EIF4G3: variants seen among roughly 807,000 people sequenced by gnomAD.
EIF4G3 encodes eIF-4-gamma 3.
A neutral mutation model predicts 186.4 loss-of-function variants in EIF4G3; 34 were observed. The ratio of observed to expected loss-of-function variants is 0.18; its 90% confidence interval spans 0.14 to 0.24. The LOEUF is 0.24. Ranked by LOEUF, EIF4G3 falls within the 10% of genes least tolerant of loss-of-function variation. The probability of loss-of-function intolerance (pLI) is 1.00; values close to 1 mark genes in which losing one functional copy is unlikely to be tolerated. For synonymous variants in EIF4G3, 673 were observed against 679.5 expected (o/e 0.99, Z 0.15); for missense variants, 1,536 against 1,948.5 (o/e 0.79, Z 3.99).
intron 14 of EIF4G3, among the ~76,000 whole-genome samples, chr1:20,930,974 G>A (rs2095282325): frequency 6.6e-6 from 1 of 151,670 alleles, no homozygotes; most frequent in Non-Finnish European, 1.5e-5. Flanking sequence ...TTGAGTAGCT[G>A]GGACTACAGG....
intron 7 of EIF4G3, among the ~76,000 whole-genome samples, chr1:20,985,531 T>A (rs10916917): frequency 0.043 from 6,302 of 145,420 alleles, 404 homozygotes; most frequent in African/African-American, 0.15. Context: ...AAAAAAAAAA[T>A]ATATATCCTT....
chr1:21,074,180 A>C (rs1434317742), intron 3 of EIF4G3, among the ~76,000 whole-genome samples: 1 of 152,136 alleles, frequency 6.6e-6, no homozygotes, highest in African/African-American at 2.4e-5. Context: ...GGCCAGGATA[A>C]TTCTTTATCA....
At position 20,942,080 on chromosome 1, in the gene EIF4G3, T is replaced by C; in HGVS notation, c.1074A>G (p.Glu358=). 6.2e-7 allele frequency: 1 copy of C among 1,613,948 alleles called. No individual in the cohort carries two copies. The highest frequency in any genetic ancestry group is 8.5e-7 in the Non-Finnish European group (1 of 1,179,966). The change falls in exon 14 of 37, where the codon GAA becomes GAG. Residue 358 remains glutamate, a synonymous_variant. Coordinates refer to ENST00000602326, the MANE Select transcript of EIF4G3 (RefSeq NM_001391906.1). ...TTGTGTCTTCTCTTGGGGATGAGAG[T>C]TCACATCTGTCATCTATAGCAGTGG... The part of the protein sequence containing the change: ...IFTTAIDDRC[E]LSSPREDTIP...
chr1:20,961,046 A>G (rs2096557650), intron 12 of EIF4G3, among the ~76,000 whole-genome samples: 2 of 152,206 alleles, frequency 1.3e-5, no homozygotes, highest in South Asian at 2.1e-4. Context: ...CTGTCAGATA[A>G]GCAATGAGTA....
chr1:20,828,974 A>T (rs934969256), intron 31 of EIF4G3, among the ~76,000 whole-genome samples, 173 bp downstream of exon 31: 2 of 152,218 alleles, frequency 1.3e-5, no homozygotes, highest in African/African-American at 4.8e-5. Context: ...TCTCAGGTGT[A>T]GACCTAGCAT....
chr1:20,808,907 T>C (rs2058676445), intron 36 of EIF4G3, among the ~76,000 whole-genome samples: 1 of 152,206 alleles, frequency 6.6e-6, no homozygotes, highest in African/African-American at 2.4e-5. Context: ...CGATCATTTA[T>C]ATTAATGGAG....
At chr1:20,853,204 G>T (rs1410410241) in intron 27 of EIF4G3, among the ~76,000 whole-genome samples, 1 of 152,142 alleles carries the variant, frequency 6.6e-6, no homozygotes, top group Non-Finnish European at 1.5e-5. Context: ...AACATGAAGA[G>T]TGTGACAGAG....
At chr1:21,120,443 T>C (rs2096906084) in intron 2 of EIF4G3, among the ~76,000 whole-genome samples, 1 of 151,820 alleles carries the variant, frequency 6.6e-6, no homozygotes. Context: ...GCCTGGCTAA[T>C]GTGGTGAAAC....
chr1:21,109,896 C>T (rs770385321), intron 2 of EIF4G3, among the ~76,000 whole-genome samples: 5 of 151,892 alleles, frequency 3.3e-5, no homozygotes, highest in Admixed American at 6.6e-5. Flanking sequence ...GCGATTCTCC[C>T]GCCTCAGCCA....
chr1:20,952,347 G>A (rs922009246), intron 12 of EIF4G3, among the ~76,000 whole-genome samples: 1 of 151,744 alleles, frequency 6.6e-6, no homozygotes, highest in Non-Finnish European at 1.5e-5. Flanking sequence ...GTAGAGACAG[G>A]GTTTCACCAT....
intron 29 of EIF4G3, among the ~76,000 whole-genome samples, chr1:20,844,694 T>G (rs960924604): frequency 9.9e-5 from 15 of 151,962 alleles, no homozygotes; most frequent in African/African-American, 3.4e-4. Context: ...TAGCTGGGTG[T>G]AGTGGCGGGC....
chr1:20,838,662 T>C (rs1245045696), intron 30 of EIF4G3, among the ~76,000 whole-genome samples: 3 of 152,148 alleles, frequency 2.0e-5, no homozygotes, highest in African/African-American at 7.2e-5. Flanking sequence ...TTCAGAGCAA[T>C]CTAGCTTATT....
chr1:21,137,129 TTTTG>T (rs922615054), intron 2 of EIF4G3, among the ~76,000 whole-genome samples: 17 of 146,264 alleles, frequency 1.2e-4, no homozygotes, highest in South Asian at 6.6e-4. Context: ...ATTACTTTGC[TTTTG>T]TTTGTTTGTT....
intron 19 of EIF4G3, among the ~76,000 whole-genome samples, chr1:20,882,279 G>A (rs2082629277): frequency 6.6e-6 from 1 of 152,040 alleles, no homozygotes; most frequent in South Asian, 2.1e-4. Flanking sequence ...GGGAGGCCAA[G>A]GCAGGAGGAC....
intron 25 of EIF4G3, 134 bp from the exon 26 acceptor site, chr1:20,855,205 A>T (rs1013873770): frequency 1.6e-6 from 1 of 612,954 alleles, no homozygotes; most frequent in Non-Finnish European, 2.8e-6. Context: ...AATTTAATAG[A>T]AACAGAAATT....
intron 2 of EIF4G3, among the ~76,000 whole-genome samples, chr1:21,142,455 T>C (rs1227376404): frequency 2.6e-5 from 4 of 152,188 alleles, no homozygotes; most frequent in South Asian, 2.1e-4. Context: ...TGCAGTGAGT[T>C]GAGATCGTAC....
rs1238675055 is a variant in EIF4G3, at chr1:20,871,906, C to T, written c.2623-6644G>A. ...TGGTGCAATCTTGGCTTACTGCAAC[C>T]TCCACCTCCTGGGTTCAAGTGATTC... On this transcript the variant is annotated intron_variant, in intron 20 of 36. Coordinates refer to ENST00000602326, the MANE Select transcript of EIF4G3 (RefSeq NM_001391906.1). Among the ~76,000 whole-genome samples the T allele has an allele frequency of 2.6e-5, 4 of 152,130 alleles. No individual in the cohort carries two copies. In the East Asian group the frequency reaches 7.8e-4, roughly 30 times the overall value.
At chr1:20,964,223 A>G (rs1188989748) in intron 12 of EIF4G3, among the ~76,000 whole-genome samples, 2 of 152,150 alleles carry the variant, frequency 1.3e-5, no homozygotes, top group Non-Finnish European at 2.9e-5. Flanking sequence ...ACAATTCCTC[A>G]TTTTACAGAT....
At chr1:21,108,051 A>C (rs2096647713) in intron 2 of EIF4G3, among the ~76,000 whole-genome samples, 1 of 152,204 alleles carries the variant, frequency 6.6e-6, no homozygotes, top group African/African-American at 2.4e-5. Context: ...AGGAGATTGA[A>C]GCGGAAGGAT....
Sources: allele counts gnomAD v4.1 joint callset (sites outside exome capture counted in the v4.1 genomes callset), GRCh38; gene constraint gnomAD v4.1.1; transcripts MANE v1.5; gene names NCBI Gene and HGNC (gene_info 2026-07-23, HGNC 2026-07-21).